The following NCKAP5 variants were observed in gnomAD, a reference collection of about 807,000 sequenced individuals.
NCKAP5 encodes the protein NCK associated protein 5, also known as nck-associated protein 5.
A neutral mutation model predicts 167.0 loss-of-function variants in NCKAP5; 92 were observed. The observed-to-expected ratio is 0.55, with a 90% CI of 0.47 to 0.66. NCKAP5 has a LOEUF of 0.66. Among genes scored for constraint, NCKAP5 ranks in the 30% least tolerant of loss-of-function variants. The pLI is 0.00. For synonymous variants in NCKAP5, 891 were observed against 877.4 expected (o/e 1.02, Z -0.27); for missense variants, 2,378 against 2,315.0 (o/e 1.03, Z -0.56).
intron 3 of NCKAP5, among the ~76,000 whole-genome samples, chr2:133,487,156 A>T (rs1241980307): frequency 2.0e-5 from 3 of 152,122 alleles, no homozygotes; most frequent in African/African-American, 7.2e-5. Flanking sequence ...ACAAATTCAC[A>T]CTAGCTGTAG....
intron 3 of NCKAP5, among the ~76,000 whole-genome samples, chr2:133,325,123 T>C (rs1682341919): frequency 1.3e-5 from 2 of 152,216 alleles, no homozygotes; most frequent in Non-Finnish European, 2.9e-5. Context: ...GGACGATGTC[T>C]CCTTCCATCA....
chr2:133,265,893 T>A (rs949121446), intron 4 of NCKAP5, among the ~76,000 whole-genome samples: 6 of 152,102 alleles, frequency 3.9e-5, no homozygotes, highest in African/African-American at 1.4e-4. Context: ...GCCACTCCAG[T>A]GGCCCCTAGA....
chr2:133,150,095 C>A (rs1214110709), intron 5 of NCKAP5, among the ~76,000 whole-genome samples: 1 of 152,206 alleles, frequency 6.6e-6, no homozygotes, highest in Non-Finnish European at 1.5e-5. Context: ...GTATTCAATA[C>A]TGCAGTATCC....
At chr2:133,424,476 G>A (rs1044986526) in intron 3 of NCKAP5, among the ~76,000 whole-genome samples, 4 of 152,164 alleles carry the variant, frequency 2.6e-5, no homozygotes, top group Admixed American at 1.3e-4. Context: ...AAATTCAGTT[G>A]ACTTTTTGAA....
chr2:132,729,929 G>A (rs1211436165), intron 17 of NCKAP5, among the ~76,000 whole-genome samples: 3 of 152,200 alleles, frequency 2.0e-5, no homozygotes, highest in South Asian at 4.2e-4. Context: ...CAATTCAAAT[G>A]TACACATTTG....
At chr2:132,839,581 T>C (rs1467896124) in intron 11 of NCKAP5, among the ~76,000 whole-genome samples, 1 of 151,596 alleles carries the variant, frequency 6.6e-6, no homozygotes, top group East Asian at 1.9e-4. Flanking sequence ...GGCAACATGG[T>C]GAAAACCCAT....
At chr2:133,322,401 G>T (rs958564908) in intron 3 of NCKAP5, among the ~76,000 whole-genome samples, 2 of 152,164 alleles carry the variant, frequency 1.3e-5, no homozygotes, top group African/African-American at 4.8e-5. Context: ...TGAGCTTGTG[G>T]AAAGATAATT....
chr2:132,880,463 C>G (rs964839462), intron 8 of NCKAP5, among the ~76,000 whole-genome samples: 24 of 151,938 alleles, frequency 1.6e-4, no homozygotes, highest in Admixed American at 6.6e-5. Context: ...AACCCCATCT[C>G]TACTAAAAAT....
intron 6 of NCKAP5, among the ~76,000 whole-genome samples, chr2:133,093,701 A>T (rs919014044): frequency 2.0e-5 from 3 of 152,212 alleles, no homozygotes; most frequent in Non-Finnish European, 4.4e-5. Context: ...CAGAGTGGAC[A>T]GGACACATAC....
chr2:132,712,479 G>A (rs1043891651), intron 19 of NCKAP5, among the ~76,000 whole-genome samples: 27 of 152,004 alleles, frequency 1.8e-4, no homozygotes, highest in African/African-American at 5.6e-4. Context: ...GTGAAACCCC[G>A]TCTTTACTAA....
intron 6 of NCKAP5, among the ~76,000 whole-genome samples, chr2:133,035,458 C>T (rs1231550003): frequency 6.6e-6 from 1 of 152,028 alleles, no homozygotes; most frequent in Non-Finnish European, 1.5e-5. Flanking sequence ...ACAGAATACA[C>T]ATTGTTTTCC....
intron 5 of NCKAP5, among the ~76,000 whole-genome samples, chr2:133,141,216 G>A (rs2082984425): frequency 6.6e-6 from 1 of 152,056 alleles, no homozygotes; most frequent in African/African-American, 2.4e-5. Flanking sequence ...CCCAGGGATT[G>A]CAATCCCAAC....
rs184833335 is a variant in NCKAP5, at chr2:133,351,580, C to T, written c.70-48470G>A. On this transcript the variant is annotated intron_variant, in intron 3 of 19. Transcript: ENST00000409261. Reference sequence around the variant, plus strand: ...TAAAGGTGTTTCAAAGACATCATTTCCTCTGTGTCTAAGATGATTTCCTTG... The same window carrying T: ...TAAAGGTGTTTCAAAGACATCATTTTCTCTGTGTCTAAGATGATTTCCTTG... Among the ~76,000 whole-genome samples, 7 of 152,288 alleles carry T rather than the reference C, an allele frequency of 4.6e-5. No homozygotes were observed. In the East Asian group the frequency reaches 9.7e-4, roughly 21 times the overall value.
intron 18 of NCKAP5, among the ~76,000 whole-genome samples, chr2:132,727,872 G>A (rs1285125438): frequency 6.6e-6 from 1 of 152,218 alleles, no homozygotes; most frequent in Non-Finnish European, 1.5e-5. Context: ...TGAGGCAGAT[G>A]CTCAAGGTTG....
At position 132,693,361 on chromosome 2, in the gene NCKAP5, A is replaced by G. The variant is rs75296857; in HGVS notation, c.5714-20056T>C. 6.2e-3 allele frequency among the ~76,000 whole-genome samples: 951 copies of G among 152,266 alleles called. 12 individuals are homozygous for G. Among genetic ancestry groups the G allele is most frequent in the African/African-American group, 0.022 (916 of 41,548 alleles). On this transcript the variant is annotated intron_variant, in intron 19 of 19. Coordinates refer to ENST00000409261, the MANE Select transcript of NCKAP5 (RefSeq NM_207363.3). ...ATCCAATATAACTGGGGTCCTTATG[A>G]GAAGAGAAAAAGAGACACAGGAAGA...
At chr2:132,992,274 T>C (rs561947750) in intron 7 of NCKAP5, among the ~76,000 whole-genome samples, 1 of 152,328 alleles carries the variant, frequency 6.6e-6, no homozygotes, top group East Asian at 1.9e-4. Flanking sequence ...GGAGAGGTAA[T>C]AGTTTTAAAA....
At chr2:132,801,806 C>A (rs1401310070) in intron 11 of NCKAP5, among the ~76,000 whole-genome samples, 1 of 152,178 alleles carries the variant, frequency 6.6e-6, no homozygotes, top group Non-Finnish European at 1.5e-5. Flanking sequence ...ATGTCCCCCT[C>A]AACAGACTGT....
chr2:133,408,593 T>G (rs1429615932), intron 3 of NCKAP5, among the ~76,000 whole-genome samples: 3 of 152,204 alleles, frequency 2.0e-5, no homozygotes, highest in Non-Finnish European at 4.4e-5. Flanking sequence ...CCCTGTTATT[T>G]AATTTAGAGG....
intron 3 of NCKAP5, among the ~76,000 whole-genome samples, chr2:133,482,103 A>G (rs890095254): frequency 1.3e-5 from 2 of 152,012 alleles, no homozygotes; most frequent in African/African-American, 4.8e-5. Flanking sequence ...GGCTTATTTC[A>G]CTCAAGATAA....
Sources: allele counts gnomAD v4.1 joint callset (sites outside exome capture counted in the v4.1 genomes callset), GRCh38; gene constraint gnomAD v4.1.1; transcripts MANE v1.5; gene names NCBI Gene and HGNC (gene_info 2026-07-23, HGNC 2026-07-21).